EXT1: variants seen among roughly 807,000 people sequenced by gnomAD.
EXT1 encodes exostosin-1.
EXT1 carries 20 observed loss-of-function variants against 82.5 expected under a neutral mutation model. That is an observed-to-expected ratio of 0.24 (90% CI 0.17 to 0.35). The LOEUF is 0.35. Ranked by LOEUF, EXT1 falls within the 10% of genes least tolerant of loss-of-function variation. The pLI, the probability that EXT1 is intolerant of heterozygous loss-of-function variation, is 1.00. For synonymous variants in EXT1, 348 were observed against 350.8 expected, an observed-to-expected ratio of 0.99 and a Z score of 0.09; for missense variants, 757 against 936.5, an observed-to-expected ratio of 0.81 and a Z score of 2.50.
chr8:117,994,483 C>T (rs1194996259), intron 1 of EXT1, among the ~76,000 whole-genome samples: 8 of 152,108 alleles, frequency 5.3e-5, no homozygotes, highest in African/African-American at 1.7e-4. Flanking sequence ...TGGTGATACA[C>T]GTCTGTAGTC....
chr8:117,810,948 C>A (rs1470459114), intron 8 of EXT1, among the ~76,000 whole-genome samples: 1 of 152,156 alleles, frequency 6.6e-6, no homozygotes, highest in Admixed American at 6.5e-5. Flanking sequence ...GATCATAGCA[C>A]TTGTAGAGCA....
intron 1 of EXT1, among the ~76,000 whole-genome samples, chr8:118,016,111 G>A (rs1009431684): frequency 3.3e-5 from 5 of 152,210 alleles, no homozygotes; most frequent in African/African-American, 1.2e-4. Context: ...GCCACTCCAG[G>A]CGGGGCGTGG....
At chr8:118,040,732 C>A (rs1816513261) in intron 1 of EXT1, among the ~76,000 whole-genome samples, 1 of 152,354 alleles carries the variant, frequency 6.6e-6, no homozygotes, top group African/African-American at 2.4e-5. Context: ...GCTCCCTGGG[C>A]AGGGAACTTT....
At chr8:118,022,853 G>A (rs1188178964) in intron 1 of EXT1, among the ~76,000 whole-genome samples, 1 of 152,074 alleles carries the variant, frequency 6.6e-6, no homozygotes. Context: ...TAATGCCTGG[G>A]GAAGGCAGTA....
rs6994399 is a variant in EXT1, at chr8:118,093,049, G to A, written c.962+17036C>T. ...CTCATCTAATTAAAGGAGTTCATTG[G>A]AAATGCAATATGGTATTTTTATCGT... On this transcript the variant is annotated intron_variant, in intron 1 of 10. Transcript: ENST00000378204. 3.0e-3 allele frequency among the ~76,000 whole-genome samples: 456 copies of A among 152,150 alleles called. 2 individuals carry two copies. The highest frequency in any genetic ancestry group is 0.011 in the African/African-American group (436 of 41,500).
Position 117,799,748 on chromosome 8 carries a change from A to G in EXT1, c.2205T>C (p.Ile735=), listed in dbSNP as rs1823135353. 2 of 1,614,040 alleles carry G rather than the reference A, an allele frequency of 1.2e-6. No homozygotes were observed. Among genetic ancestry groups the G allele is most frequent in the Non-Finnish European group, 1.7e-6 (2 of 1,179,992 alleles). The change falls in exon 11 of 11, where the codon ATT becomes ATC. Residue 735 remains isoleucine, a synonymous_variant. Transcript: ENST00000378204. ...DPVLFKDQVS[I]LRKKYRDIER... is the part of the protein sequence containing the mutation. The stretch of plus-strand genomic sequence containing the variant: ...CAATGTCTCGGTATTTCTTCCTCAA[A>G]ATAGAGACCTGGTCTTTAAAGAGGA...
chr8:117,908,554 C>T (rs1044334785), intron 1 of EXT1, among the ~76,000 whole-genome samples: 2 of 151,844 alleles, frequency 1.3e-5, no homozygotes, highest in African/African-American at 2.4e-5. Flanking sequence ...CACTTGAACT[C>T]GGGAGGCAGA....
chr8:118,048,413 C>T (rs1379089350), intron 1 of EXT1, among the ~76,000 whole-genome samples: 3 of 152,140 alleles, frequency 2.0e-5, no homozygotes, highest in Admixed American at 1.3e-4. Context: ...CTTCAAAAGT[C>T]CTATGCCAGA....
At chr8:118,101,060 TTGA>T (rs1225892438) in intron 1 of EXT1, among the ~76,000 whole-genome samples, 1 of 152,192 alleles carries the variant, frequency 6.6e-6, no homozygotes, top group African/African-American at 2.4e-5. Context: ...ACCTCTGTTG[TTGA>T]TTAGGAAATA....
intron 1 of EXT1, among the ~76,000 whole-genome samples, chr8:117,864,827 A>G (rs1286521551): frequency 6.6e-6 from 1 of 151,982 alleles, no homozygotes; most frequent in Non-Finnish European, 1.5e-5. Context: ...GTTGGGCCAC[A>G]TTCAAAGTTG....
At chr8:118,001,577 A>T (rs1051098079) in intron 1 of EXT1, among the ~76,000 whole-genome samples, 1 of 152,134 alleles carries the variant, frequency 6.6e-6, no homozygotes, top group Non-Finnish European at 1.5e-5. Flanking sequence ...TAAAATGTAT[A>T]TTGTGAAATG....
At position 117,840,439 on chromosome 8, in the gene EXT1, C is replaced by G. The variant is rs17474699; in HGVS notation, c.963-3238G>C. On this transcript the variant is annotated intron_variant, in intron 1 of 10. Coordinates refer to ENST00000378204, the MANE Select transcript of EXT1 (RefSeq NM_000127.3). Reference sequence around the variant, plus strand: ...ACCAGTCTGGCCAACATGGTGTAACCTCAACTCTACTAAAAATACAAAATT... The same window carrying G: ...ACCAGTCTGGCCAACATGGTGTAACGTCAACTCTACTAAAAATACAAAATT... Among the ~76,000 whole-genome samples, 874 of 152,088 alleles carry G rather than the reference C, an allele frequency of 5.7e-3. 9 individuals carry two copies. Among genetic ancestry groups the G allele is most frequent in the African/African-American group, 0.02 (835 of 41,480 alleles).
At chr8:118,043,552 A>T (rs975539971) in intron 1 of EXT1, among the ~76,000 whole-genome samples, 1 of 152,190 alleles carries the variant, frequency 6.6e-6, no homozygotes, top group African/African-American at 2.4e-5. Flanking sequence ...ACTTATTTAT[A>T]TGCTGCCTTA....
At chr8:117,831,766 T>C in intron 3 of EXT1, 1 of 443,450 alleles carries the variant, frequency 2.3e-6, no homozygotes, top group Non-Finnish European at 4.6e-6. Context: ...TGGTAGCACA[T>C]TTTTTAATTC....
At chr8:117,957,015 CAG>C (rs1262472793) in intron 1 of EXT1, among the ~76,000 whole-genome samples, 26 of 152,274 alleles carry the variant, frequency 1.7e-4, no homozygotes, top group African/African-American at 5.5e-4. Flanking sequence ...GCTGTAACAA[CAG>C]AGTCATAATT....
chr8:118,028,644 A>C (rs921393014), intron 1 of EXT1, among the ~76,000 whole-genome samples: 2 of 152,094 alleles, frequency 1.3e-5, no homozygotes, highest in Non-Finnish European at 2.9e-5. Context: ...AAAAAAAGTA[A>C]GCCAGCCGGG....
intron 1 of EXT1, among the ~76,000 whole-genome samples, chr8:118,089,893 G>A (rs1056307986): frequency 6.6e-6 from 1 of 152,194 alleles, no homozygotes; most frequent in African/African-American, 2.4e-5. Flanking sequence ...GAGGAAAGAG[G>A]GAGGGTTACT....
At chr8:117,924,824 C>G (rs1010100174) in intron 1 of EXT1, among the ~76,000 whole-genome samples, 2 of 152,150 alleles carry the variant, frequency 1.3e-5, no homozygotes, top group African/African-American at 4.8e-5. Context: ...ATCTTATATT[C>G]TAGATGAGTT....
At chr8:117,947,959 A>C (rs569427643) in intron 1 of EXT1, among the ~76,000 whole-genome samples, 1 of 152,154 alleles carries the variant, frequency 6.6e-6, no homozygotes, top group Admixed American at 6.6e-5. Flanking sequence ...CCCAACTGCT[A>C]TCAGAGAACA....
Sources: allele counts gnomAD v4.1 joint callset (sites outside exome capture counted in the v4.1 genomes callset), GRCh38; gene constraint gnomAD v4.1.1; transcripts MANE v1.5; gene names NCBI Gene and HGNC (gene_info 2026-07-23, HGNC 2026-07-21).